The following AAK1 variants were observed in gnomAD, a reference collection of about 807,000 sequenced individuals.
The protein encoded by AAK1 is AP2-associated protein kinase 1.
In AAK1, 37 loss-of-function variants were observed where a neutral mutation model predicts 116.0. The observed-to-expected ratio is 0.32, with a 90% confidence interval of 0.25 to 0.42. AAK1 has a LOEUF of 0.42. AAK1 is among the 10% of genes least tolerant of loss of function. AAK1 has a pLI of 1.00. For missense variants in AAK1, 919 were observed against 1,170.6 expected (o/e 0.79, Z 3.14); for synonymous variants, 458 against 439.9 (o/e 1.04, Z -0.51).
At position 69,475,485 on chromosome 2, in the gene AAK1, G is replaced by A. The variant is rs1674820342; in HGVS notation, c.*384C>T. The A allele has an allele frequency of 2.9e-6, 3 of 1,022,086 alleles. No individual in the cohort carries two copies. Among genetic ancestry groups the A allele is most frequent in the Non-Finnish European group, 3.5e-6 (3 of 851,948 alleles). 63.3% of individuals were successfully genotyped at this position (1,022,086 alleles called of 1,614,324 possible). ...AAAGGAGACGGGGGTTGGGAGAATT[G>A]ATCTGGGAGGCCATTCCTAGCAAGA... On this transcript the variant is annotated 3_prime_UTR_variant, in exon 22 of 22. Transcript: ENST00000409085.
At chr2:69,493,774 G>A (rs1032788925) in intron 17 of AAK1, among the ~76,000 whole-genome samples, 5 of 152,112 alleles carry the variant, frequency 3.3e-5, no homozygotes, top group Admixed American at 6.5e-5. Context: ...CTGAGCAGAC[G>A]GCATTTAAGC....
chr2:69,482,617 C>G, intron 18 of AAK1, 94 bp downstream of exon 18: 1 of 996,152 alleles, frequency 1.0e-6, no homozygotes, highest in Non-Finnish European at 1.6e-6. Flanking sequence ...GGTGGCAGGG[C>G]TATTCCCCAG....
rs182824960 is a variant in AAK1, at chr2:69,591,058, C to T, written c.164-34080G>A. Among the ~76,000 whole-genome samples, 331 of 152,242 alleles carry T rather than the reference C, an allele frequency of 2.2e-3. 2 individuals are homozygous for T. Among genetic ancestry groups the T allele is most frequent in the African/African-American group, 7.6e-3 (316 of 41,534 alleles). On this transcript the variant is annotated intron_variant, in intron 2 of 21. Transcript: ENST00000409085. ...CTGGTAAGATTGGAAAAGGCAAATCCATTTTCTATGTCCATATTGTATGGA... is the reference window on the plus strand; with the variant it reads ...CTGGTAAGATTGGAAAAGGCAAATCTATTTTCTATGTCCATATTGTATGGA...
intron 21 of AAK1, 57 bp from the exon 22 acceptor site, chr2:69,476,020 T>G: frequency 6.5e-7 from 1 of 1,534,664 alleles, no homozygotes; most frequent in African/African-American, 1.4e-5. Flanking sequence ...GGTTTAGATG[T>G]GCAGAGCAAG....
intron 17 of AAK1, among the ~76,000 whole-genome samples, chr2:69,483,608 T>TG (rs1675180366): frequency 6.6e-6 from 1 of 152,146 alleles, no homozygotes; most frequent in East Asian, 1.9e-4. Flanking sequence ...TTTCGGGGGT[T>TG]GGGGGGGACT....
intron 2 of AAK1, among the ~76,000 whole-genome samples, chr2:69,587,249 T>TTA (rs1482260711): frequency 2.8e-4 from 42 of 151,036 alleles, no homozygotes; most frequent in African/African-American, 6.3e-4. Context: ...CATGCTCAGC[T>TTA]TATATATATA....
intron 5 of AAK1, among the ~76,000 whole-genome samples, chr2:69,541,080 G>A (rs947195960): frequency 7.2e-5 from 11 of 152,114 alleles, no homozygotes; most frequent in Non-Finnish European, 1.3e-4. Flanking sequence ...ATTAGGGGTT[G>A]CCAGGAGAGA....
intron 4 of AAK1, 59 bp from the exon 5 acceptor site, chr2:69,542,724 T>G: frequency 6.3e-7 from 1 of 1,576,680 alleles, no homozygotes; most frequent in South Asian, 1.2e-5. Context: ...TGTCATTTAG[T>G]CTAAGAGAAT....
At chr2:69,480,791 G>C (rs1675057808) in intron 19 of AAK1, 69 bp downstream of exon 19, 2 of 1,360,394 alleles carry the variant, frequency 1.5e-6, no homozygotes, top group Admixed American at 2.3e-5. Context: ...GACTGAGCCA[G>C]GTGAAAAGAC....
chr2:69,514,743 C>T lies in AAK1; in HGVS notation c.1504G>A (p.Ala502Thr). 6.3e-7 allele frequency: 1 copy of T among 1,586,566 alleles called. No homozygotes were observed. Among genetic ancestry groups the T allele is most frequent in the Non-Finnish European group, 8.6e-7 (1 of 1,164,376 alleles). The change falls in exon 13 of 22, where the codon GCA becomes ACA. Residue 502 changes from alanine to threonine, a missense_variant. By Grantham distance (58) the Ala-to-Thr change is moderately conservative (BLOSUM62 0). Around this residue, in one of 4 missense-constraint regions of AAK1, gnomAD observed 214 missense variants for 210.6 expected, o/e 1.02. Transcript: ENST00000409085. ...QQQAQTQQFQAVHPATQKPAI... is the reference protein window; with the variant it reads ...QQQAQTQQFQTVHPATQKPAI... The stretch of plus-strand genomic sequence containing the variant: ...GGTTTCTGGGTTGCTGGATGTACTG[C>T]CTGAAACTGAGCAAGAAATGAGGAG...
At chr2:69,587,752 C>G (rs1253030650) in intron 2 of AAK1, among the ~76,000 whole-genome samples, 1 of 151,900 alleles carries the variant, frequency 6.6e-6, no homozygotes, top group Non-Finnish European at 1.5e-5. Flanking sequence ...AGGTGTAAGC[C>G]ACTGCACCCA....
intron 3 of AAK1, among the ~76,000 whole-genome samples, chr2:69,552,744 C>T (rs901235967): frequency 6.6e-6 from 1 of 151,770 alleles, no homozygotes. Flanking sequence ...CAAAATGGCT[C>T]ATAGGTTTAA....
intron 5 of AAK1, among the ~76,000 whole-genome samples, chr2:69,540,011 T>C (rs2105045800): frequency 6.6e-6 from 1 of 152,330 alleles, no homozygotes; most frequent in East Asian, 1.9e-4. Flanking sequence ...TTTGAATATC[T>C]TGAGGGTAGG....
At position 69,518,136 on chromosome 2, in the gene AAK1, T is replaced by C. The variant is rs577475715; in HGVS notation, c.1497+818A>G. 2.0e-3 allele frequency among the ~76,000 whole-genome samples: 311 copies of C among 152,116 alleles called. 2 individuals carry two copies. In the South Asian group the frequency reaches 0.026, roughly 13 times the overall value. On this transcript the variant is annotated intron_variant, in intron 12 of 21. Coordinates refer to ENST00000409085, the MANE Select transcript of AAK1 (RefSeq NM_014911.5). ...GACCATACCTCCAAAAAAACAGATA[T>C]ACTCATCATTATAAAATGAATACAT...
chr2:69,545,863 T>C (rs968596266), intron 3 of AAK1, among the ~76,000 whole-genome samples: 5 of 152,138 alleles, frequency 3.3e-5, no homozygotes, highest in African/African-American at 1.2e-4. Flanking sequence ...GAATGAGAGT[T>C]GAGCAAGTAG....
chr2:69,599,024 T>G (rs1000571399), intron 2 of AAK1: 4 of 300,564 alleles, frequency 1.3e-5, no homozygotes, highest in Admixed American at 1.2e-4. Context: ...TGTAGAAAAT[T>G]CATGGGGAGG....
chr2:69,507,186 C>A (rs919079830), intron 15 of AAK1, among the ~76,000 whole-genome samples: 4 of 152,190 alleles, frequency 2.6e-5, no homozygotes, highest in African/African-American at 9.7e-5. Flanking sequence ...ATCACACTCT[C>A]CTTGCTACCA....
At position 69,474,847 on chromosome 2, in the gene AAK1, T is replaced by C; in HGVS notation, c.*1022A>G. 1 of 985,758 alleles carries C rather than the reference T, an allele frequency of 1.0e-6. No homozygotes were observed. Among genetic ancestry groups the C allele is most frequent in the Non-Finnish European group, 1.2e-6 (1 of 829,906 alleles). The allele number at this position is 985,758 out of a possible 1,614,324, so 61.1% of individuals were successfully genotyped here. A position where few individuals can be genotyped will look rare whatever the true frequency, so the allele number is the denominator to read the frequency against. ...CAGACACCTGATATCAGACTTGAAATGCCAAGTGGAAACAGAACTATTCAG... is the reference window on the plus strand; with the variant it reads ...CAGACACCTGATATCAGACTTGAAACGCCAAGTGGAAACAGAACTATTCAG... On this transcript the variant is annotated 3_prime_UTR_variant, in exon 22 of 22. Transcript: ENST00000409085.
chr2:69,476,853 T>A, intron 21 of AAK1, 27 bp downstream of exon 21: 1 of 1,563,464 alleles, frequency 6.4e-7, no homozygotes, highest in Non-Finnish European at 8.8e-7. Flanking sequence ...GGCCAAGCTC[T>A]TCTCTTTTCC....
Sources: allele counts gnomAD v4.1 joint callset (sites outside exome capture counted in the v4.1 genomes callset), GRCh38; gene constraint gnomAD v4.1.1; regional missense constraint gnomAD v4.1.1; transcripts MANE v1.5; gene names NCBI Gene and HGNC (gene_info 2026-07-23, HGNC 2026-07-21).